The following CCDC88A variants were observed in gnomAD, a reference collection of about 807,000 sequenced individuals.
CCDC88A encodes the protein girdin.
CCDC88A carries 54 observed loss-of-function variants against 234.3 expected under a neutral mutation model. That is an observed-to-expected ratio of 0.23 (90% CI 0.19 to 0.29). CCDC88A has a LOEUF of 0.29. CCDC88A is among the 10% of genes least tolerant of loss of function. The pLI is 1.00. For synonymous variants in CCDC88A, 753 were observed against 737.8 expected (o/e 1.02, Z -0.33); for missense variants, 1,832 against 2,123.4 (o/e 0.86, Z 2.70).
At chr2:55,393,315 G>A (rs1486088517) in intron 2 of CCDC88A, among the ~76,000 whole-genome samples, 2 of 10,990 alleles carry the variant, frequency 1.8e-4, no homozygotes, top group South Asian at 1.6e-3. Flanking sequence ...TTTTTTTTGC[G>A]ACAGAGTCCC....
At chr2:55,323,352 G>A (rs1406271506) in intron 17 of CCDC88A, 1 of 152,090 alleles carries the variant, frequency 6.6e-6, no homozygotes, top group Non-Finnish European at 1.5e-5. Flanking sequence ...TTGTATTAAG[G>A]CAGGGATAGA....
chr2:55,416,424 TC>T, intron 2 of CCDC88A, among the ~76,000 whole-genome samples: 1 of 32,442 alleles, frequency 3.1e-5, no homozygotes, highest in African/African-American at 7.3e-5. Flanking sequence ...GGTGAAGAGG[TC>T]AAATAAATAA....
In CCDC88A at chr2:55,346,353, T is replaced by C; in HGVS notation, c.883-20A>G. 7.0e-7 allele frequency: 1 copy of C among 1,420,900 alleles called. No individual in the cohort carries two copies. The highest frequency in any genetic ancestry group is 1.8e-4 in the Middle Eastern group (1 of 5,510). 88.0% of individuals were successfully genotyped at this position (1,420,900 alleles called of 1,614,324 possible). On this transcript the variant is annotated intron_variant, in intron 9 of 32. Transcript: ENST00000436346. ...CATGTTCTAAACAAAAATTTAAAAT[T>C]ATATTTTAATTATTTTCTGTTATCA...
chr2:55,392,281 A>G (rs987969316), intron 2 of CCDC88A, among the ~76,000 whole-genome samples: 1 of 152,166 alleles, frequency 6.6e-6, no homozygotes, highest in Non-Finnish European at 1.5e-5. Context: ...CCCTGACTAA[A>G]TTGTTTTTTT....
intron 8 of CCDC88A, among the ~76,000 whole-genome samples, chr2:55,354,287 C>T (rs536633993): frequency 1.3e-5 from 2 of 151,810 alleles, no homozygotes; most frequent in South Asian, 4.2e-4. Context: ...ACTACCACCA[C>T]GCCTGGCTAA....
Position 55,291,688 on chromosome 2 carries a change from A to G in CCDC88A, c.*23T>C, listed in dbSNP as rs375867449. 3.5e-5 allele frequency: 52 copies of G among 1,498,146 alleles called. No homozygotes were observed. Among genetic ancestry groups the G allele is most frequent in the Admixed American group, 1.8e-4 (10 of 54,340 alleles). The allele number at this position is 1,498,146 out of a possible 1,614,324, so 92.8% of individuals were successfully genotyped here. Reference sequence around the variant, plus strand: ...GCAGGAAACTCACCACTTGGCCCACATGTCATGTAGTGGGTAATAGAATTA... The same window carrying G: ...GCAGGAAACTCACCACTTGGCCCACGTGTCATGTAGTGGGTAATAGAATTA... On this transcript the variant is annotated 3_prime_UTR_variant, in exon 32 of 33. Coordinates refer to ENST00000436346, the MANE Select transcript of CCDC88A (RefSeq NM_001365480.1).
chr2:55,407,813 G>A (rs1679851175), intron 2 of CCDC88A, among the ~76,000 whole-genome samples: 1 of 149,884 alleles, frequency 6.7e-6, no homozygotes, highest in African/African-American at 2.5e-5. Context: ...CACCTCCCAG[G>A]TTCAAGGAAC....
intron 3 of CCDC88A, among the ~76,000 whole-genome samples, chr2:55,378,064 T>C (rs1383482418): frequency 6.6e-6 from 1 of 152,240 alleles, no homozygotes; most frequent in Non-Finnish European, 1.5e-5. Flanking sequence ...CAACTAGTTT[T>C]ACTGACTTAC....
intron 8 of CCDC88A, chr2:55,350,692 C>T (rs1431780475): frequency 6.6e-6 from 1 of 151,762 alleles, no homozygotes; most frequent in Non-Finnish European, 1.5e-5. Flanking sequence ...CAGGGTTTCA[C>T]TCTGACGCCC....
intron 14 of CCDC88A, among the ~76,000 whole-genome samples, chr2:55,336,071 T>C (rs771508872): frequency 2.0e-5 from 3 of 152,002 alleles, no homozygotes; most frequent in South Asian, 2.1e-4. Context: ...CTGGGCATGG[T>C]GGTGCATGCC....
chr2:55,367,945 T>C (rs1217025040), intron 5 of CCDC88A, among the ~76,000 whole-genome samples: 1 of 152,206 alleles, frequency 6.6e-6, no homozygotes, highest in African/African-American at 2.4e-5. Context: ...CAGCCTGCAC[T>C]GATAGGTATT....
intron 2 of CCDC88A, among the ~76,000 whole-genome samples, chr2:55,410,097 C>T (rs1435334313): frequency 1.3e-5 from 2 of 152,086 alleles, no homozygotes; most frequent in African/African-American, 2.4e-5. Context: ...ATTTCTTGCC[C>T]AAGCACTTCT....
intron 7 of CCDC88A, among the ~76,000 whole-genome samples, chr2:55,359,590 T>C (rs1051758455): frequency 1.3e-5 from 2 of 150,746 alleles, no homozygotes; most frequent in African/African-American, 2.4e-5. Flanking sequence ...TCCTGTAGCA[T>C]ATATATAAGA....
intron 3 of CCDC88A, among the ~76,000 whole-genome samples, chr2:55,383,584 C>T (rs916038852): frequency 2.0e-5 from 3 of 149,190 alleles, no homozygotes; most frequent in Admixed American, 6.7e-5. Flanking sequence ...GATTGTGCCA[C>T]TGCACTCCAG....
intron 2 of CCDC88A, among the ~76,000 whole-genome samples, chr2:55,396,584 G>T (rs1034362207): frequency 6.6e-6 from 1 of 151,902 alleles, no homozygotes; most frequent in East Asian, 1.9e-4. Context: ...AAAAAAAAAG[G>T]TTGCACCTGG....
chr2:55,396,587 G>A (rs956242485), intron 2 of CCDC88A, among the ~76,000 whole-genome samples: 1 of 152,000 alleles, frequency 6.6e-6, no homozygotes, highest in African/African-American at 2.4e-5. Flanking sequence ...AAAAAAGGTT[G>A]CACCTGGGTG....
rs145827827 is a variant in CCDC88A at position 55,314,236 on chromosome 2, C to A, written c.3934-1657G>T. 1,150 of 152,414 alleles carry A rather than the reference C, an allele frequency of 7.5e-3. 15 individuals are homozygous for A. Among genetic ancestry groups the A allele is most frequent in the African/African-American group, 0.025 (1,047 of 41,536 alleles). 9.4% of individuals were successfully genotyped at this position (152,414 alleles called of 1,614,324 possible). A position where few individuals can be genotyped will look rare whatever the true frequency, so the allele number is the denominator to read the frequency against. ...CTAATTACAGATGCAGGAGCAAACC[C>A]CTGGCCCATACATCAGTGAGTAGAT... On this transcript the variant is annotated intron_variant, in intron 22 of 32. Transcript: ENST00000436346.
Position 55,318,880 on chromosome 2 carries a change from T to C in CCDC88A, c.3287A>G (p.Gln1096Arg), listed in dbSNP as rs1441457117. 1.9e-6 allele frequency: 3 copies of C among 1,612,314 alleles called. No homozygotes were observed. The highest frequency in any genetic ancestry group is 2.5e-6 in the Non-Finnish European group (3 of 1,178,862). Residue 1096 changes from glutamine to arginine, a missense_variant, in exon 19 of 33, where the codon CAG becomes CGG. By Grantham distance (43) the Gln-to-Arg change is conservative (BLOSUM62 1). Transcript: ENST00000436346. ...ATTCTGTGTTTGAAGAGTGGTATTC[T>C]GTTCTTGTAATGACACTGTCTGCCT... Reference protein sequence around the residue: ...LQRQTVSLQEQNTTLQTQNAK... With the variant: ...LQRQTVSLQERNTTLQTQNAK...
At chr2:55,314,883 ATAGAT>A (rs1215725119) in intron 22 of CCDC88A, 3 of 152,136 alleles carry the variant, frequency 2.0e-5, no homozygotes, top group Admixed American at 6.5e-5. Context: ...CTTTTATACT[ATAGAT>A]TAGTTTTTTC....
Sources: allele counts gnomAD v4.1 joint callset (sites outside exome capture counted in the v4.1 genomes callset), GRCh38; gene constraint gnomAD v4.1.1; transcripts MANE v1.5; gene names NCBI Gene and HGNC (gene_info 2026-07-23, HGNC 2026-07-21).